LPP: variants seen among roughly 807,000 people sequenced by gnomAD.
LPP encodes the protein LIM domain containing preferred translocation partner in lipoma, also known as lipoma-preferred partner.
Under a neutral mutation model 60.4 loss-of-function variants are expected in LPP, and 38 were observed. The ratio of observed to expected loss-of-function variants is 0.63; its 90% CI spans 0.49 to 0.83. The LOEUF (loss-of-function observed/expected upper bound fraction) is 0.83. Ranked by LOEUF, LPP falls within the 40% of genes least tolerant of loss-of-function variation. LPP has a pLI of 0.00. For synonymous variants in LPP, 328 were observed against 290.8 expected (o/e 1.13, Z -1.30); for missense variants, 902 against 783.6 (o/e 1.15, Z -1.80).
At chr3:188,286,561 C>G (rs1743980701) in intron 2 of LPP, among the ~76,000 whole-genome samples, 1 of 152,114 alleles carries the variant, frequency 6.6e-6, no homozygotes, top group African/African-American at 2.4e-5. Flanking sequence ...AAGAAGAGAA[C>G]TTCTTATTTT....
chr3:188,826,555 G>T (rs1256487074), intron 9 of LPP, among the ~76,000 whole-genome samples: 1 of 152,094 alleles, frequency 6.6e-6, no homozygotes, highest in Non-Finnish European at 1.5e-5. Flanking sequence ...TACCCCATGG[G>T]TTCCTCTAAC....
At chr3:188,428,071 G>A (rs574351868) in intron 4 of LPP, among the ~76,000 whole-genome samples, 1 of 152,316 alleles carries the variant, frequency 6.6e-6, no homozygotes, top group African/African-American at 2.4e-5. Context: ...CTCCTGGTCT[G>A]TGGGTTGCAA....
chr3:188,872,718 T>C lies in LPP; in HGVS notation c.1665T>C (p.Ile555=), dbSNP rs746383968. The C allele has an allele frequency of 2.5e-6, 4 of 1,614,180 alleles. No homozygotes were observed. Among genetic ancestry groups the C allele is most frequent in the South Asian group, 2.2e-5 (2 of 91,084 alleles). ...CGGGCCAGGAGGAGACTGTCCGTAT[T>C]GTGGCTTTGGATCGAGATTTCCATG... ...PAPGQEETVR[I]VALDRDFHVH... is the part of the protein sequence containing the mutation. The change falls in exon 11 of 12, where the codon ATT becomes ATC. Residue 555 remains isoleucine, a synonymous_variant. Transcript: ENST00000617246.
chr3:188,677,765 A>G (rs1453274495), intron 7 of LPP, among the ~76,000 whole-genome samples: 1 of 152,180 alleles, frequency 6.6e-6, no homozygotes, highest in African/African-American at 2.4e-5. Context: ...AACAAATGTT[A>G]TGGAAGTACA....
chr3:188,371,659 T>A (rs1422705336), intron 3 of LPP, among the ~76,000 whole-genome samples: 5 of 82,550 alleles, frequency 6.1e-5, no homozygotes, highest in East Asian at 8.0e-4. Context: ...TTTTTTTTTT[T>A]TTTTTTTTTT....
At chr3:188,524,981 T>TA (rs1463859260) in intron 6 of LPP, among the ~76,000 whole-genome samples, 194 bp downstream of exon 6, 1 of 150,230 alleles carries the variant, frequency 6.7e-6, no homozygotes, top group African/African-American at 2.5e-5. Flanking sequence ...CTTTTTTTTT[T>TA]TTTTTGATGG....
intron 4 of LPP, among the ~76,000 whole-genome samples, chr3:188,430,296 T>A (rs1400023387): frequency 6.6e-6 from 1 of 152,176 alleles, no homozygotes; most frequent in Non-Finnish European, 1.5e-5. Flanking sequence ...GAATTTCCTA[T>A]GTGATTTTTT....
chr3:188,863,251 T>G (rs1356767135), intron 9 of LPP, among the ~76,000 whole-genome samples: 1 of 152,232 alleles, frequency 6.6e-6, no homozygotes, highest in Non-Finnish European at 1.5e-5. Context: ...AAAACTGAGA[T>G]CGAAGGAATA....
intron 5 of LPP, among the ~76,000 whole-genome samples, chr3:188,513,000 A>G (rs968524179): frequency 2.0e-4 from 31 of 152,166 alleles, no homozygotes; most frequent in African/African-American, 7.5e-4. Context: ...CCCCCTCACC[A>G]CATATGAAAG....
intron 2 of LPP, among the ~76,000 whole-genome samples, chr3:188,287,827 C>G (rs1744486936): frequency 6.6e-6 from 1 of 152,078 alleles, no homozygotes; most frequent in Admixed American, 6.5e-5. Context: ...ATATTCATCT[C>G]TGAAAAAACA....
At chr3:188,318,426 A>AAAG (rs1192073221) in intron 2 of LPP, among the ~76,000 whole-genome samples, 17 of 151,962 alleles carry the variant, frequency 1.1e-4, no homozygotes, top group Non-Finnish European at 2.4e-4. Flanking sequence ...AACAAAAAAA[A>AAAG]AAAAGAAAAA....
At chr3:188,154,504 C>A (rs1035237822) in intron 1 of LPP, among the ~76,000 whole-genome samples, 1 of 152,120 alleles carries the variant, frequency 6.6e-6, no homozygotes, top group African/African-American at 2.4e-5. Context: ...TGCGCGCCCC[C>A]TGCCCGGACT....
chr3:188,689,303 A>G lies in LPP; in HGVS notation c.1114-18964A>G, dbSNP rs372240989. On this transcript the variant is annotated intron_variant, in intron 7 of 11. Coordinates refer to ENST00000617246, the MANE Select transcript of LPP (RefSeq NM_001375462.1). ...TCTGGACTCTGAAGCCCAGGCATGC[A>G]TATTGCAAAAGTCAGAATCGAAGTC... Among the ~76,000 whole-genome samples, 14 of 152,356 alleles carry G rather than the reference A, an allele frequency of 9.2e-5. 1 individual carries two copies. The highest frequency in any genetic ancestry group is 3.9e-4 in the East Asian group (2 of 5,182).
At chr3:188,786,592 A>G (rs546417758) in intron 9 of LPP, among the ~76,000 whole-genome samples, 2 of 152,226 alleles carry the variant, frequency 1.3e-5, no homozygotes, top group East Asian at 3.9e-4. Flanking sequence ...ATCCCAGGGA[A>G]ATGAAGACTT....
intron 7 of LPP, among the ~76,000 whole-genome samples, chr3:188,640,499 C>T (rs1258047269): frequency 6.7e-6 from 1 of 149,154 alleles, no homozygotes; most frequent in Non-Finnish European, 1.5e-5. Context: ...GCACATGTAC[C>T]CTAAAACTTA....
At chr3:188,804,984 ATGGTAGGTAACAC>A (rs1400505803) in intron 9 of LPP, among the ~76,000 whole-genome samples, 3 of 152,000 alleles carry the variant, frequency 2.0e-5, no homozygotes, top group Non-Finnish European at 4.4e-5. Context: ...GCTGGTTCAT[ATGGTAGGTAACAC>A]TGGTTAATTT....
chr3:188,753,841 C>A (rs1054466355), intron 8 of LPP, among the ~76,000 whole-genome samples: 2 of 151,948 alleles, frequency 1.3e-5, no homozygotes, highest in South Asian at 2.1e-4. Flanking sequence ...GACATTGGAG[C>A]CACCTTTCCC....
intron 9 of LPP, among the ~76,000 whole-genome samples, chr3:188,762,134 T>A (rs10084717): frequency 0.33 from 50,396 of 152,064 alleles, 8,908 homozygotes; most frequent in East Asian, 0.72. Flanking sequence ...CTTGTTAGCT[T>A]GAAATCATAT....
chr3:188,669,343 G>A (rs904753290), intron 7 of LPP, among the ~76,000 whole-genome samples: 7 of 152,078 alleles, frequency 4.6e-5, no homozygotes, highest in Non-Finnish European at 8.8e-5. Context: ...TTGGGAGGTC[G>A]AGGCGGGCGG....
Sources: allele counts gnomAD v4.1 joint callset (sites outside exome capture counted in the v4.1 genomes callset), GRCh38; gene constraint gnomAD v4.1.1; transcripts MANE v1.5; gene names NCBI Gene and HGNC (gene_info 2026-07-23, HGNC 2026-07-21).